Variants in CNBD1 observed in about 807,000 individuals in gnomAD.
CNBD1 encodes the protein cyclic nucleotide-binding domain-containing protein 1.
A neutral mutation model predicts 54.4 loss-of-function variants in CNBD1; 71 were observed. The observed-to-expected ratio is 1.30, with a 90% confidence interval of 1.08 to 1.59. The LOEUF is 1.59. Ranked by LOEUF, CNBD1 falls within the 40% of genes most tolerant of loss-of-function variation. The pLI is 0.00. For missense variants in CNBD1, 659 were observed against 518.0 expected, an observed-to-expected ratio of 1.27 and a Z score of -2.64; for synonymous variants, 182 against 170.7, an observed-to-expected ratio of 1.07 and a Z score of -0.51.
rs536378371 is a variant in CNBD1, at chr8:86,944,262, A to G, written c.431+4508A>G. On this transcript the variant is annotated intron_variant, in intron 4 of 10. Transcript: ENST00000518476. ...TTTTCATCCATTAATTAATGAATCC[A>G]ACATACACTTTTGAACTCCTCTATG... is the stretch of plus-strand genomic sequence containing the variant. 3.3e-5 allele frequency among the ~76,000 whole-genome samples: 5 copies of G among 152,330 alleles called. No individual in the cohort carries two copies. The South Asian group carries it at 1.0e-3, about 32-fold the overall frequency.
intron 2 of CNBD1, among the ~76,000 whole-genome samples, chr8:87,397,257 G>C (rs898458281): frequency 6.6e-6 from 1 of 151,800 alleles, no homozygotes; most frequent in Non-Finnish European, 1.5e-5. Flanking sequence ...ATACTATTAG[G>C]AGAAAGGAAC....
rs147022300 is a variant in CNBD1, at chr8:86,974,146, T to C, written c.431+34392T>C. 3.3e-5 allele frequency among the ~76,000 whole-genome samples: 5 copies of C among 152,200 alleles called. No individual in the cohort carries two copies. In the East Asian group the frequency reaches 7.7e-4, roughly 24 times the overall value. On this transcript the variant is annotated intron_variant, in intron 4 of 10. Transcript: ENST00000518476. ...TTTATAATTATGACAAATGTACATA[T>C]GAAGAAATATTCAGCTTCATAAGTA...
chr8:87,308,974 C>G (rs146093244), intron 8 of CNBD1, among the ~76,000 whole-genome samples: 269 of 152,220 alleles, frequency 1.8e-3, no homozygotes, highest in African/African-American at 5.8e-3. Context: ...GCCACATTTT[C>G]TTTATCCATT....
chr8:87,045,565 A>T (rs1680926540), intron 4 of CNBD1, among the ~76,000 whole-genome samples: 1 of 151,726 alleles, frequency 6.6e-6, no homozygotes, highest in African/African-American at 2.4e-5. Context: ...CTCTACTAAA[A>T]ATACAAAAAA....
chr8:87,084,466 T>A (rs1212928870), intron 4 of CNBD1, among the ~76,000 whole-genome samples: 1 of 152,206 alleles, frequency 6.6e-6, no homozygotes, highest in Non-Finnish European at 1.5e-5. Context: ...GAAGTCTGGA[T>A]GAACAGGTTT....
At chr8:86,954,183 CT>C (rs1563835194) in intron 4 of CNBD1, among the ~76,000 whole-genome samples, 2 of 152,276 alleles carry the variant, frequency 1.3e-5, no homozygotes, top group South Asian at 4.1e-4. Context: ...GCATGAAAAT[CT>C]TGACAAAGAG....
chr8:87,185,549 A>AT (rs1813456701), intron 4 of CNBD1, among the ~76,000 whole-genome samples: 1 of 152,052 alleles, frequency 6.6e-6, no homozygotes, highest in Admixed American at 6.6e-5. Flanking sequence ...TCTATGGCAC[A>AT]TTTTTTTCCT....
chr8:87,392,010 G>T (rs1811318992), intron 2 of CNBD1, among the ~76,000 whole-genome samples: 1 of 152,002 alleles, frequency 6.6e-6, no homozygotes, highest in Admixed American at 6.6e-5. Flanking sequence ...GGGCAGGAAT[G>T]GGCCTTTCTC....
intron 4 of CNBD1, among the ~76,000 whole-genome samples, chr8:86,959,221 G>T (rs571896759): frequency 6.6e-6 from 1 of 152,176 alleles, no homozygotes; most frequent in Non-Finnish European, 1.5e-5. Flanking sequence ...GAGATCCACT[G>T]TTAGTCTGAT....
intron 10 of CNBD1, among the ~76,000 whole-genome samples, chr8:87,377,492 G>T (rs1241724036): frequency 0.014 from 2,182 of 150,786 alleles, 51 homozygotes; most frequent in African/African-American, 0.049. Flanking sequence ...TCATCATTTT[G>T]TATGGCTGCA....
chr8:87,278,110 G>T (rs1381963629), intron 6 of CNBD1, among the ~76,000 whole-genome samples: 1 of 151,500 alleles, frequency 6.6e-6, no homozygotes, highest in Non-Finnish European at 1.5e-5. Flanking sequence ...AAACTGGAAA[G>T]TTGATTAGTA....
chr8:87,230,858 A>G (rs935825297), intron 5 of CNBD1, among the ~76,000 whole-genome samples: 1 of 152,212 alleles, frequency 6.6e-6, no homozygotes, highest in African/African-American at 2.4e-5. Flanking sequence ...AGATCTGAAA[A>G]CATTAACTTC....
intron 4 of CNBD1, among the ~76,000 whole-genome samples, chr8:87,191,635 A>G (rs982290): frequency 0.56 from 84,911 of 151,966 alleles, 24,356 homozygotes; most frequent in African/African-American, 0.63. Context: ...GGAAAGTTAA[A>G]TTAGAGATAC....
intron 2 of CNBD1, among the ~76,000 whole-genome samples, chr8:87,390,204 TA>T (rs1811278758): frequency 6.6e-6 from 1 of 152,048 alleles, no homozygotes; most frequent in African/African-American, 2.4e-5. Flanking sequence ...ACTTCATGTC[TA>T]AAACACCAAA....
chr8:87,319,519 A>G (rs1809475278), intron 8 of CNBD1, among the ~76,000 whole-genome samples: 1 of 152,116 alleles, frequency 6.6e-6, no homozygotes, highest in African/African-American at 2.4e-5. Context: ...AAGAATAAAA[A>G]ATGAGGAAGC....
intron 1 of CNBD1, among the ~76,000 whole-genome samples, chr8:86,875,943 C>T (rs562036230): frequency 6.6e-5 from 10 of 151,968 alleles, no homozygotes; most frequent in Non-Finnish European, 1.2e-4. Flanking sequence ...AATATGTTGC[C>T]GGGCACTATA....
chr8:86,876,305 A>G (rs1290325791), intron 1 of CNBD1, among the ~76,000 whole-genome samples: 1 of 152,000 alleles, frequency 6.6e-6, no homozygotes, highest in Non-Finnish European at 1.5e-5. Context: ...AATGTCAAAT[A>G]TAAGTAATAT....
intron 4 of CNBD1, among the ~76,000 whole-genome samples, chr8:86,967,243 AG>A (rs777846605): frequency 1.1e-4 from 16 of 152,310 alleles, no homozygotes; most frequent in Admixed American, 3.3e-4. Context: ...TGTGCCTAGG[AG>A]GGTGGCTGAA....
At chr8:86,969,746 A>T (rs61441989) in intron 4 of CNBD1, among the ~76,000 whole-genome samples, 3,017 of 151,306 alleles carry the variant, frequency 0.02, 96 homozygotes, top group African/African-American at 0.067. Flanking sequence ...AGTCATCTAA[A>T]TTTTTTTCTC....
Sources: gnomAD v4.1 joint callset for allele counts (sites outside exome capture counted in the v4.1 genomes callset) on GRCh38, gnomAD v4.1.1 for gene constraint, MANE v1.5 for transcripts, NCBI Gene and HGNC (gene_info 2026-07-23, HGNC 2026-07-21) for gene names.